ALG8: variants seen among roughly 807,000 people sequenced by gnomAD.
ALG8 encodes dolichyl pyrophosphate Glc1Man9GlcNAc2 alpha-1,3-glucosyltransferase.
A neutral mutation model predicts 70.2 loss-of-function variants in ALG8; 48 were observed. That is an observed-to-expected ratio of 0.68 (90% CI 0.54 to 0.87). ALG8 has a LOEUF of 0.87. ALG8 is among the 40% of genes least tolerant of loss of function. The pLI, the probability that ALG8 is intolerant of heterozygous loss-of-function variation, is 0.00. For synonymous variants in ALG8, 234 were observed against 229.0 expected, an observed-to-expected ratio of 1.02 and a Z score of -0.20; for missense variants, 572 against 608.7, an observed-to-expected ratio of 0.94 and a Z score of 0.64.
chr11:78,131,817 A>T lies in ALG8; in HGVS notation c.96-4381T>A, dbSNP rs674484. Reference sequence around the variant, plus strand: ...AAACCTACCATCTCTTACTTGTCCTATGATAGCTTCTTAAATTGAACTCCC... The same window carrying T: ...AAACCTACCATCTCTTACTTGTCCTTTGATAGCTTCTTAAATTGAACTCCC... On this transcript the variant is annotated intron_variant, in intron 1 of 12. Transcript: ENST00000299626. Among the ~76,000 whole-genome samples the T allele has an allele frequency of 1.3e-5, 2 of 152,082 alleles. 1 individual carries two copies. The highest frequency in any genetic ancestry group is 4.1e-4 in the South Asian group (2 of 4,826).
Position 78,106,814 on chromosome 11 carries a change from G to T in ALG8, c.1171C>A (p.Pro391Thr). ...HEKAILLAIL[P>T]MSLLSVGKAG... ...GCTGAGCTATCTGCTTACCTCATTG[G>T]GAGAATTGCTAGAAGTATGGCTTTT... Residue 391 changes from proline to threonine, a missense_variant, in exon 10 of 13, where the codon CCA (proline) becomes ACA (threonine). Physicochemically the swap from Pro to Thr is conservative, Grantham distance 38 (BLOSUM62 -1). Coordinates refer to ENST00000299626, the MANE Select transcript of ALG8 (RefSeq NM_024079.5). The T allele has an allele frequency of 6.2e-7, 1 of 1,613,972 alleles. No homozygotes were observed. The highest frequency in any genetic ancestry group is 1.1e-5 in the South Asian group (1 of 91,082).
At position 78,109,498 on chromosome 11, in the gene ALG8, C is replaced by CT. The variant is rs777686455; in HGVS notation, c.981dup (p.Val328SerfsTer28). ...GCCAAGGGAGTCACTGAGGGAAGGACTGTGTGTTGGAACTGCTGAACCAAA... is the reference window on the plus strand; with the variant it reads ...GCCAAGGGAGTCACTGAGGGAAGGACTTGTGTGTTGGAACTGCTGAACCAAA... On this transcript the variant is annotated frameshift_variant, in exon 9 of 13. Coordinates refer to ENST00000299626, the MANE Select transcript of ALG8 (RefSeq NM_024079.5). LOFTEE classifies it high-confidence loss of function. The CT allele has an allele frequency of 3.0e-5, 49 of 1,614,056 alleles. No individual in the cohort carries two copies. Among genetic ancestry groups the CT allele is most frequent in the Non-Finnish European group, 3.2e-5 (38 of 1,180,022 alleles).
chr11:78,104,091 T>G (rs375289597), intron 11 of ALG8, 39 bp from the exon 12 acceptor site: 9 of 1,270,796 alleles, frequency 7.1e-6, no homozygotes, highest in South Asian at 2.5e-5. Flanking sequence ...ATTTAGCTGA[T>G]GACAGAAAGA....
rs372652549 is a variant in ALG8 at position 78,124,202 on chromosome 11, A to G, written c.187T>C (p.Trp63Arg). 1.7e-5 allele frequency: 28 copies of G among 1,614,026 alleles called. No homozygotes were observed. The highest frequency in any genetic ancestry group is 2.3e-5 in the Non-Finnish European group (27 of 1,180,014). ...AAGAAAGGGGGGTAATCCAACGTCCACTCTGAAGTTGCCTGTGATAAAAAT... is the reference window on the plus strand; with the variant it reads ...AAGAAAGGGGGGTAATCCAACGTCCGCTCTGAAGTTGCCTGTGATAAAAAT... ...SQWYYEATSE[W>R]TLDYPPFFAW... The change falls in exon 3 of 13, where the codon TGG becomes CGG. Residue 63 changes from tryptophan (W) to arginine (R), a missense_variant. Physicochemically the swap from Trp to Arg is moderately radical, Grantham distance 101. Coordinates refer to ENST00000299626, the MANE Select transcript of ALG8 (RefSeq NM_024079.5).
chr11:78,127,712 C>CTTTCT (rs1861139744), intron 1 of ALG8, among the ~76,000 whole-genome samples: 1 of 132,910 alleles, frequency 7.5e-6, no homozygotes, highest in Non-Finnish European at 1.6e-5. Flanking sequence ...TTTTTCTTTT[C>CTTTCT]TTTTTTTTTT....
intron 3 of ALG8, among the ~76,000 whole-genome samples, chr11:78,121,375 G>A (rs1182017898): frequency 6.7e-6 from 1 of 150,008 alleles, no homozygotes; most frequent in Non-Finnish European, 1.5e-5. Context: ...GAACTCCTGG[G>A]CTCAAGCAAT....
chr11:78,107,719 G>C (rs11237391), intron 9 of ALG8: 27,940 of 228,552 alleles, frequency 0.12, 2,002 homozygotes, highest in East Asian at 0.28. Flanking sequence ...GTACATACCT[G>C]TATTCCCAGG....
rs767165970 is a variant in ALG8 at position 78,124,159 on chromosome 11, A to G, written c.230T>C (p.Ile77Thr). The G allele has an allele frequency of 3.1e-6, 5 of 1,614,194 alleles. No homozygotes were observed. The Admixed American group carries it at 6.7e-5, about 22-fold the overall frequency. The change falls in exon 3 of 13, where the codon ATC (isoleucine) becomes ACC (threonine). Residue 77 changes from isoleucine (I) to threonine (T), a missense_variant. Transcript: ENST00000299626. ...AAAATATTTGGCAACATGTGACAGG[A>G]TATACTCAAACCATGCAAAGAAAGG... ...YPPFFAWFEYILSHVAKYFDQ... is the reference protein window; with the variant it reads ...YPPFFAWFEYTLSHVAKYFDQ...
At chr11:78,134,612 C>T (rs1350641051) in intron 1 of ALG8, among the ~76,000 whole-genome samples, 1 of 152,210 alleles carries the variant, frequency 6.6e-6, no homozygotes, top group South Asian at 2.1e-4. Flanking sequence ...TGATTATTAA[C>T]TAAGTTTATA....
intron 4 of ALG8, among the ~76,000 whole-genome samples, chr11:78,119,488 GCA>G (rs955643643): frequency 6.8e-6 from 1 of 147,680 alleles, no homozygotes; most frequent in Non-Finnish European, 1.5e-5. Context: ...GAGTGCAATG[GCA>G]CAGTCTTGGC....
intron 1 of ALG8, among the ~76,000 whole-genome samples, chr11:78,129,799 A>G (rs1861226916): frequency 6.6e-6 from 1 of 152,204 alleles, no homozygotes; most frequent in Non-Finnish European, 1.5e-5. Context: ...TCTATTATAC[A>G]GCCCACATAA....
chr11:78,130,361 A>AAAAAAAAAGAAAAGAAAAAAAAG (rs928560857), intron 1 of ALG8, among the ~76,000 whole-genome samples: 1,833 of 132,616 alleles, frequency 0.014, 79 homozygotes, highest in African/African-American at 0.055. Flanking sequence ...AAAAAAAAAA[A>AAAAAAAAAGAAAAGAAAAAAAAG]AAAAAAGGTG....
intron 9 of ALG8, 21 bp downstream of exon 9, chr11:78,109,421 C>G: frequency 6.2e-7 from 1 of 1,613,998 alleles, no homozygotes. Context: ...AAGAAATGAG[C>G]ACCATCTGTT....
chr11:78,116,625 G>A (rs1299949540), intron 5 of ALG8, among the ~76,000 whole-genome samples: 1 of 151,928 alleles, frequency 6.6e-6, no homozygotes, highest in East Asian at 1.9e-4. Flanking sequence ...GGCTGAGGCA[G>A]GAGGACTGTT....
intron 9 of ALG8, among the ~76,000 whole-genome samples, chr11:78,107,323 C>G (rs1860086555): frequency 6.7e-6 from 1 of 148,644 alleles, no homozygotes; most frequent in Non-Finnish European, 1.5e-5. Context: ...TGGGTTCAAG[C>G]GATTTTCCTG....
intron 3 of ALG8, among the ~76,000 whole-genome samples, chr11:78,123,435 T>C (rs1860920929): frequency 6.6e-6 from 1 of 151,812 alleles, no homozygotes; most frequent in Non-Finnish European, 1.5e-5. Context: ...TATTCAATAC[T>C]TAAAATTAAC....
chr11:78,125,235 T>A (rs1220020603), intron 2 of ALG8, among the ~76,000 whole-genome samples: 2 of 151,228 alleles, frequency 1.3e-5, no homozygotes, highest in African/African-American at 2.4e-5. Context: ...GGTTTCACCA[T>A]GTTAGCCAGG....
rs768727973 is a variant in ALG8 at position 78,104,417 on chromosome 11, A to C, written c.1215T>G (p.Ile405Met). Residue 405 changes from isoleucine (I) to methionine (M), a missense_variant, in exon 11 of 13, where the codon ATT becomes ATG. Coordinates refer to ENST00000299626, the MANE Select transcript of ALG8 (RefSeq NM_024079.5). ...LSVGKAGDAS[I>M]FLILTTTGHY... ...GTCCTGTTGTGGTCAGAATCAGAAA[A>C]ATCGAAGCGTCTCCTGCTTTTCCCA... 1.3e-6 allele frequency: 2 copies of C among 1,597,982 alleles called. No homozygotes were observed. The highest frequency in any genetic ancestry group is 1.7e-6 in the Non-Finnish European group (2 of 1,171,994).
At chr11:78,120,926 T>A in intron 4 of ALG8, 139 bp downstream of exon 4, 1 of 770,000 alleles carries the variant, frequency 1.3e-6, no homozygotes, top group Non-Finnish European at 2.2e-6. Context: ...GAGACCACAG[T>A]TAAGTGAGCC....
Sources: gnomAD v4.1 joint callset for allele counts (sites outside exome capture counted in the v4.1 genomes callset) on GRCh38, gnomAD v4.1.1 for gene constraint, MANE v1.5 for transcripts, NCBI Gene and HGNC (gene_info 2026-07-23, HGNC 2026-07-21) for gene names.